MBNL2: variants seen among roughly 807,000 people sequenced by gnomAD.
MBNL2 encodes the protein muscleblind like splicing regulator 2.
In MBNL2, 17 loss-of-function variants were observed where a neutral mutation model predicts 41.9. That is an observed-to-expected ratio of 0.41 (90% CI 0.28 to 0.61). MBNL2 has a LOEUF of 0.61. MBNL2 is among the 20% of genes least tolerant of loss of function. The pLI is 0.35. For missense variants in MBNL2, 336 were observed against 505.6 expected (o/e 0.66, Z 3.22); for synonymous variants, 195 against 182.9 (o/e 1.07, Z -0.53).
chr13:97,211,003 G>A, the MBNL2 span, among the ~76,000 whole-genome samples: 1 of 151,990 alleles, frequency 6.6e-6, no homozygotes, highest in Admixed American at 6.6e-5. Flanking sequence ...AGGAAGGCAG[G>A]GGTTGGGTGG....
intron 8 of MBNL2, among the ~76,000 whole-genome samples, chr13:97,387,950 A>G (rs2066062998): frequency 6.6e-6 from 1 of 152,134 alleles, no homozygotes; most frequent in Admixed American, 6.5e-5. Flanking sequence ...GGCAGACCCT[A>G]TGAGTTTTCC....
Position 97,277,066 on chromosome 13 carries a change from C to G in MBNL2, c.174+657C>G, listed in dbSNP as rs140994727. ...GGGGACACATGCCTTGTGGGAGGAA[C>G]AGACAGCAAAAACATTTCTATGGAG... is the stretch of plus-strand genomic sequence containing the variant. On this transcript the variant is annotated intron_variant, in intron 2 of 8. Coordinates refer to ENST00000679496, the MANE Select transcript of MBNL2 (RefSeq NM_001382683.1). 2.4e-4 allele frequency among the ~76,000 whole-genome samples: 36 copies of G among 152,214 alleles called. 1 individual carries two copies. The East Asian group carries it at 6.4e-3, about 27-fold the overall frequency.
chr13:97,316,722 G>A (rs893435929), intron 2 of MBNL2, among the ~76,000 whole-genome samples: 1 of 152,166 alleles, frequency 6.6e-6, no homozygotes, highest in South Asian at 2.1e-4. Context: ...TAATGGCCCT[G>A]CCTATGTAAC....
chr13:97,325,656 G>A (rs2059852433), intron 2 of MBNL2, among the ~76,000 whole-genome samples: 2 of 152,202 alleles, frequency 1.3e-5, no homozygotes, highest in Admixed American at 1.3e-4. Context: ...CTTGAGCCCA[G>A]GAGGTCGAGA....
At chr13:97,160,384 G>A in the MBNL2 span, among the ~76,000 whole-genome samples, 70,777 of 152,152 alleles carry the variant, frequency 0.47, 19,868 homozygotes, top group Non-Finnish European at 0.62. Flanking sequence ...TGCAAGTTAA[G>A]TATAAGTCCA....
chr13:97,176,457 A>G, the MBNL2 span, among the ~76,000 whole-genome samples: 1 of 152,142 alleles, frequency 6.6e-6, no homozygotes, highest in Non-Finnish European at 1.5e-5. Flanking sequence ...TAATTTCCAC[A>G]GTAGATGGTA....
chr13:97,305,390 ATATC>A (rs1200173227), intron 2 of MBNL2, among the ~76,000 whole-genome samples: 1 of 152,202 alleles, frequency 6.6e-6, no homozygotes, highest in Non-Finnish European at 1.5e-5. Flanking sequence ...ATCAGAAAAC[ATATC>A]TATCCCCAAT....
chr13:97,244,719 T>C (rs1424378498), intron 1 of MBNL2, among the ~76,000 whole-genome samples: 1 of 152,234 alleles, frequency 6.6e-6, no homozygotes, highest in Non-Finnish European at 1.5e-5. Context: ...GGTGCTTGTT[T>C]TGAAGAAATC....
chr13:97,271,220 A>G (rs1161055670), intron 1 of MBNL2, among the ~76,000 whole-genome samples: 1 of 151,028 alleles, frequency 6.6e-6, no homozygotes, highest in Non-Finnish European at 1.5e-5. Flanking sequence ...GGTTCAAGCA[A>G]TTCTCATGCC....
the MBNL2 span, among the ~76,000 whole-genome samples, chr13:97,152,838 C>T: frequency 2.2e-4 from 34 of 152,124 alleles, no homozygotes; most frequent in East Asian, 4.3e-3. Context: ...GACACTGGAT[C>T]CAAGAAACAA....
intron 1 of MBNL2, among the ~76,000 whole-genome samples, chr13:97,269,983 G>A (rs1280885923): frequency 1.3e-5 from 2 of 152,234 alleles, no homozygotes; most frequent in African/African-American, 4.8e-5. Flanking sequence ...ACTATAATCT[G>A]TCTTTCATGG....
At chr13:97,287,944 T>TG (rs1395498157) in intron 2 of MBNL2, among the ~76,000 whole-genome samples, 1 of 144,038 alleles carries the variant, frequency 6.9e-6, no homozygotes, top group East Asian at 2.0e-4. Flanking sequence ...GTTTTGTTTT[T>TG]TTTTTTTTTA....
chr13:97,152,717 T>C, the MBNL2 span, among the ~76,000 whole-genome samples: 184 of 152,308 alleles, frequency 1.2e-3, 1 homozygote, highest in African/African-American at 4.0e-3. Context: ...AATAAAGACA[T>C]TGTCAGACAT....
chr13:97,339,791 T>TG (rs2061275443), intron 3 of MBNL2, among the ~76,000 whole-genome samples: 2 of 150,374 alleles, frequency 1.3e-5, no homozygotes, highest in South Asian at 4.2e-4. Context: ...AGGCTGGCTG[T>TG]GGGTCGTGTT....
chr13:97,186,849 G>A, the MBNL2 span, among the ~76,000 whole-genome samples: 1 of 152,154 alleles, frequency 6.6e-6, no homozygotes, highest in Non-Finnish European at 1.5e-5. Flanking sequence ...CCAAAAAAAA[G>A]GGGGTGGAAA....
intron 1 of MBNL2, among the ~76,000 whole-genome samples, chr13:97,242,992 G>A (rs970207241): frequency 6.6e-6 from 1 of 152,186 alleles, no homozygotes; most frequent in Admixed American, 6.5e-5. Flanking sequence ...CTCCTGTGCA[G>A]GCGTCTCCTT....
At chr13:97,222,025 C>T (rs755950235), upstream of MBNL2, among the ~76,000 whole-genome samples, 53 of 152,172 alleles carry the variant, frequency 3.5e-4, no homozygotes, top group Non-Finnish European at 6.3e-4. Context: ...CAAGTGTTCA[C>T]GGTGAAGCTC....
intron 5 of MBNL2, among the ~76,000 whole-genome samples, chr13:97,351,294 T>C (rs1455963633): frequency 6.6e-6 from 1 of 152,224 alleles, no homozygotes; most frequent in Non-Finnish European, 1.5e-5. Context: ...TTCTAGAGCA[T>C]AGGCAGAGTA....
chr13:97,171,096 A>G, the MBNL2 span, among the ~76,000 whole-genome samples: 1 of 152,202 alleles, frequency 6.6e-6, no homozygotes, highest in Non-Finnish European at 1.5e-5. Context: ...GGTTGGTCTG[A>G]TCTCACAGTT....
Sources: gnomAD v4.1 joint callset for allele counts (sites outside exome capture counted in the v4.1 genomes callset) on GRCh38, gnomAD v4.1.1 for gene constraint, MANE v1.5 for transcripts, NCBI Gene and HGNC (gene_info 2026-07-23, HGNC 2026-07-21) for gene names.